The following DRC11 variants were observed in gnomAD, a reference collection of about 807,000 sequenced individuals.
The protein encoded by DRC11 is IQ and AAA domain-containing protein 1.
the DRC11 span, among the ~76,000 whole-genome samples, chr2:236,307,119 TG>T: frequency 2.2e-3 from 341 of 152,248 alleles, 1 homozygote; most frequent in African/African-American, 7.7e-3. The surrounding 1 kb of genome is among the most constrained non-coding windows in gnomAD (Gnocchi z 7.0). Context: ...TTCTATACCG[TG>T]CACACAGTAC....
the DRC11 span, among the ~76,000 whole-genome samples, chr2:236,433,897 A>C: frequency 6.6e-6 from 1 of 152,242 alleles, no homozygotes; most frequent in Non-Finnish European, 1.5e-5. Flanking sequence ...TGAATTAAGA[A>C]ATATTTTATA....
chr2:236,386,085 T>C, the DRC11 span, among the ~76,000 whole-genome samples: 2 of 149,920 alleles, frequency 1.3e-5, no homozygotes, highest in African/African-American at 2.4e-5. Context: ...TGAGAATTTT[T>C]GCATCAATGT....
chr2:236,419,901 C>T, the DRC11 span, among the ~76,000 whole-genome samples: 1 of 152,218 alleles, frequency 6.6e-6, no homozygotes, highest in Non-Finnish European at 1.5e-5. The surrounding 1 kb of genome is among the most constrained non-coding windows in gnomAD (Gnocchi z 4.8). Flanking sequence ...ACAGTGTTCA[C>T]TGAGCACTCA....
the DRC11 span, among the ~76,000 whole-genome samples, chr2:236,375,739 AC>A: frequency 6.6e-6 from 1 of 152,230 alleles, no homozygotes; most frequent in African/African-American, 2.4e-5. This position sits in a 1 kb window ranked among gnomAD's most constrained non-coding sequence, Gnocchi z 4.2. Flanking sequence ...AATGATAGGG[AC>A]AGACGATAAT....
the DRC11 span, among the ~76,000 whole-genome samples, chr2:236,357,172 A>ATTATATATTCATATATATC: frequency 1.8e-5 from 2 of 111,884 alleles, no homozygotes; most frequent in African/African-American, 3.7e-5. Flanking sequence ...ATATATCTAT[A>ATTATATATTCATATATATC]TATTATATAT....
the DRC11 span, among the ~76,000 whole-genome samples, chr2:236,313,350 C>T: frequency 6.6e-6 from 1 of 152,224 alleles, no homozygotes; most frequent in Admixed American, 6.5e-5. The surrounding 1 kb of genome is among the most constrained non-coding windows in gnomAD (Gnocchi z 4.5). Context: ...CTGGTTTAAC[C>T]ATTATCAATC....
chr2:236,497,945 T>A, the DRC11 span, among the ~76,000 whole-genome samples: 1 of 152,188 alleles, frequency 6.6e-6, no homozygotes, highest in Non-Finnish European at 1.5e-5. The surrounding 1 kb of genome is among the most constrained non-coding windows in gnomAD (Gnocchi z 5.1). Flanking sequence ...CTAGAGAAAC[T>A]TGTAAATATG....
At chr2:236,362,029 A>G in the DRC11 span, among the ~76,000 whole-genome samples, 53 of 152,230 alleles carry the variant, frequency 3.5e-4, no homozygotes, top group Non-Finnish European at 6.9e-4. This position sits in a 1 kb window ranked among gnomAD's most constrained non-coding sequence, Gnocchi z 5.7. Flanking sequence ...TCATTTCATA[A>G]TGATAAAATA....
the DRC11 span, among the ~76,000 whole-genome samples, chr2:236,399,782 T>G: frequency 6.7e-6 from 1 of 149,246 alleles, no homozygotes; most frequent in South Asian, 2.1e-4. This position sits in a 1 kb window ranked among gnomAD's most constrained non-coding sequence, Gnocchi z 7.0. Flanking sequence ...TAAAAAACTT[T>G]CTTTCTTTCT....
the DRC11 span, among the ~76,000 whole-genome samples, chr2:236,399,140 C>T: frequency 6.6e-6 from 1 of 152,124 alleles, no homozygotes; most frequent in African/African-American, 2.4e-5. The surrounding 1 kb of genome is among the most constrained non-coding windows in gnomAD (Gnocchi z 7.0). Context: ...CAGGCTCCCG[C>T]TGTTACGCCC....
the DRC11 span, among the ~76,000 whole-genome samples, chr2:236,351,592 C>CT: frequency 6.6e-6 from 1 of 152,152 alleles, no homozygotes; most frequent in Non-Finnish European, 1.5e-5. The surrounding 1 kb of genome is among the most constrained non-coding windows in gnomAD (Gnocchi z 7.3). Context: ...AATTTTGATC[C>CT]TTTTTATGTT....
the DRC11 span, among the ~76,000 whole-genome samples, chr2:236,401,488 T>C: frequency 6.6e-6 from 1 of 152,280 alleles, no homozygotes; most frequent in South Asian, 2.1e-4. The surrounding 1 kb of genome is among the most constrained non-coding windows in gnomAD (Gnocchi z 4.6). Context: ...TGTGCGACAT[T>C]TGCTGGATGA....
At chr2:236,439,314 A>C in the DRC11 span, among the ~76,000 whole-genome samples, 1 of 152,206 alleles carries the variant, frequency 6.6e-6, no homozygotes, top group Non-Finnish European at 1.5e-5. Flanking sequence ...AAATTGATAG[A>C]CCTCTAGCAG....
the DRC11 span, among the ~76,000 whole-genome samples, chr2:236,480,436 T>TC: frequency 6.6e-6 from 1 of 152,324 alleles, no homozygotes; most frequent in African/African-American, 2.4e-5. Flanking sequence ...TTCTTTTTTT[T>TC]CCCTCTGACT....
the DRC11 span, among the ~76,000 whole-genome samples, chr2:236,356,593 A>G: frequency 1.3e-5 from 2 of 152,134 alleles, no homozygotes; most frequent in Non-Finnish European, 2.9e-5. Flanking sequence ...TCTGAGTGTC[A>G]CTTTTCTCAT....
the DRC11 span, chr2:236,346,705 T>TC: frequency 5.9e-6 from 1 of 169,062 alleles, no homozygotes; most frequent in African/African-American, 2.4e-5. Context: ...CAGGTGACCA[T>TC]CCCATGATGG....
the DRC11 span, among the ~76,000 whole-genome samples, chr2:236,456,269 C>A: frequency 6.6e-6 from 1 of 152,150 alleles, no homozygotes; most frequent in Non-Finnish European, 1.5e-5. The surrounding 1 kb of genome is among the most constrained non-coding windows in gnomAD (Gnocchi z 5.4). Context: ...TATTACTACC[C>A]CTACCTCATT....
chr2:236,343,212 G>T, the DRC11 span, among the ~76,000 whole-genome samples: 1 of 152,104 alleles, frequency 6.6e-6, no homozygotes, highest in Admixed American at 6.5e-5. The surrounding 1 kb of genome is among the most constrained non-coding windows in gnomAD (Gnocchi z 6.6). Context: ...CCTGCCTCCA[G>T]CTTTCTCTCA....
At chr2:236,503,679 C>T in the DRC11 span, 2 of 1,550,954 alleles carry the variant, frequency 1.3e-6, no homozygotes, top group South Asian at 1.2e-5. The surrounding 1 kb of genome is among the most constrained non-coding windows in gnomAD (Gnocchi z 4.9). Flanking sequence ...CCACCAGACC[C>T]TCTTCCCTCG....
Sources: allele counts gnomAD v4.1 joint callset (sites outside exome capture counted in the v4.1 genomes callset), GRCh38; gene constraint gnomAD v4.1.1; non-coding constraint Gnocchi (gnomAD v3.1); transcripts MANE v1.5; gene names NCBI Gene and HGNC (gene_info 2026-07-23, HGNC 2026-07-21).